The following RALGAPA2 variants were observed in gnomAD, a reference collection of about 807,000 sequenced individuals.
RALGAPA2 encodes the protein ral GTPase-activating protein subunit alpha-2.
RALGAPA2 carries 139 observed loss-of-function variants against 230.4 expected under a neutral mutation model. That is an observed-to-expected ratio of 0.60 (90% CI 0.53 to 0.69). RALGAPA2 has a LOEUF of 0.69. Among genes scored for constraint, RALGAPA2 ranks in the 30% least tolerant of loss-of-function variants. RALGAPA2 has a pLI of 0.00. For missense variants in RALGAPA2, 2,163 were observed against 2,276.0 expected (o/e 0.95, Z 1.01); for synonymous variants, 847 against 837.8 (o/e 1.01, Z -0.19).
chr20:20,455,100 A>G (rs996416797), intron 37 of RALGAPA2, among the ~76,000 whole-genome samples: 14 of 152,230 alleles, frequency 9.2e-5, no homozygotes, highest in African/African-American at 3.1e-4. Flanking sequence ...AAAAGTACAC[A>G]TTACAAACAG....
At chr20:20,434,213 C>G (rs887428767) in intron 37 of RALGAPA2, among the ~76,000 whole-genome samples, 1 of 152,136 alleles carries the variant, frequency 6.6e-6, no homozygotes, top group Non-Finnish European at 1.5e-5. Flanking sequence ...CTCTCCCAAA[C>G]AAAAGTTGCT....
At chr20:20,692,320 A>G (rs2068943337) in intron 1 of RALGAPA2, among the ~76,000 whole-genome samples, 1 of 152,248 alleles carries the variant, frequency 6.6e-6, no homozygotes, top group Non-Finnish European at 1.5e-5. Context: ...TCAAAAATTT[A>G]TCATAACTGA....
chr20:20,540,249 G>C (rs538206400), intron 24 of RALGAPA2, among the ~76,000 whole-genome samples: 10 of 152,182 alleles, frequency 6.6e-5, no homozygotes, highest in Non-Finnish European at 1.2e-4. Context: ...CGGGGATGAA[G>C]ATGTGTAGGA....
At chr20:20,463,667 T>C (rs549273856) in intron 37 of RALGAPA2, among the ~76,000 whole-genome samples, 3 of 152,324 alleles carry the variant, frequency 2.0e-5, no homozygotes, top group African/African-American at 7.2e-5. Flanking sequence ...TGCCTACTGC[T>C]GAAAAGTGTG....
chr20:20,559,806 G>A (rs888997879), intron 23 of RALGAPA2, among the ~76,000 whole-genome samples: 10 of 151,988 alleles, frequency 6.6e-5, no homozygotes, highest in East Asian at 3.9e-4. Flanking sequence ...TTTACCTTTC[G>A]AACAACAATT....
chr20:20,695,259 T>A (rs1252499117), intron 1 of RALGAPA2, among the ~76,000 whole-genome samples: 1 of 152,232 alleles, frequency 6.6e-6, no homozygotes, highest in Non-Finnish European at 1.5e-5. Context: ...CATAATGCCT[T>A]AGAATGACCT....
At chr20:20,661,692 T>A (rs1197564170) in intron 3 of RALGAPA2, among the ~76,000 whole-genome samples, 5 of 151,906 alleles carry the variant, frequency 3.3e-5, no homozygotes, top group African/African-American at 1.2e-4. Context: ...ACACAAAAAG[T>A]AGTAAGTATA....
intron 16 of RALGAPA2, among the ~76,000 whole-genome samples, chr20:20,599,931 C>T (rs908232456): frequency 3.3e-5 from 5 of 151,142 alleles, no homozygotes; most frequent in African/African-American, 1.2e-4. Flanking sequence ...CAAGATCACA[C>T]CACTGCACTT....
intron 23 of RALGAPA2, among the ~76,000 whole-genome samples, chr20:20,566,424 C>T: frequency 6.6e-6 from 1 of 152,154 alleles, no homozygotes; most frequent in Admixed American, 6.6e-5. Flanking sequence ...GTTATTTCTC[C>T]ACACGTTGTA....
rs1286962634 is a variant in RALGAPA2 at position 20,505,526 on chromosome 20, G to C, written c.4937C>G (p.Thr1646Arg). 1.3e-6 allele frequency: 2 copies of C among 1,578,410 alleles called. No homozygotes were observed. The highest frequency in any genetic ancestry group is 1.4e-5 in the African/African-American group (1 of 73,064). ...AATGTAAAACACTGCGATTTTGTGT[G>C]TCTCACGGCTATAAATTTTTAAATT... ...KNLDSRQCRE[T>R]HKIAVFYIAE... The change falls in exon 34 of 40, where the codon ACA (threonine) becomes AGA (arginine). Residue 1646 changes from threonine (T) to arginine (R), a missense_variant. By Grantham distance (71) the Thr-to-Arg change is moderately conservative. Coordinates refer to ENST00000202677, the MANE Select transcript of RALGAPA2 (RefSeq NM_020343.4).
chr20:20,462,700 T>C (rs6046873), intron 37 of RALGAPA2, among the ~76,000 whole-genome samples: 4,446 of 152,264 alleles, frequency 0.029, 147 homozygotes, highest in East Asian at 0.15. Context: ...TTTACTTGAG[T>C]GTGTTGCAAA....
chr20:20,710,093 C>T (rs1159862528), intron 1 of RALGAPA2, among the ~76,000 whole-genome samples: 7 of 152,104 alleles, frequency 4.6e-5, no homozygotes, highest in Non-Finnish European at 1.5e-5. Flanking sequence ...TAGCTCAAGT[C>T]ATGAAGCTGC....
chr20:20,672,197 C>A (rs2068159112), intron 3 of RALGAPA2, among the ~76,000 whole-genome samples: 1 of 152,020 alleles, frequency 6.6e-6, no homozygotes, highest in African/African-American at 2.4e-5. Context: ...AGACTCCCGG[C>A]AAAAGCAAAG....
rs997342895 is a variant in RALGAPA2, at chr20:20,524,088, C to T, written c.3900+318G>A. 4.6e-5 allele frequency among the ~76,000 whole-genome samples: 7 copies of T among 152,248 alleles called. No homozygotes were observed. The East Asian group carries it at 1.2e-3, about 25-fold the overall frequency. ...TCTCCTGCCTCAGCCTCCGGGGTAG[C>T]TGGGCCTACAGGCACCCGCCACCAC... On this transcript the variant is annotated intron_variant, in intron 30 of 39. Transcript: ENST00000202677.
chr20:20,402,840 C>T (rs775244956), intron 38 of RALGAPA2, among the ~76,000 whole-genome samples: 9 of 152,154 alleles, frequency 5.9e-5, no homozygotes, highest in Non-Finnish European at 1.2e-4. Context: ...TGTGTGCTGC[C>T]CATCTCACCA....
chr20:20,680,910 T>C (rs111311194), intron 1 of RALGAPA2, 109 bp from the exon 2 acceptor site: 1 of 1,466,548 alleles, frequency 6.8e-7, no homozygotes, highest in African/African-American at 1.5e-5. Flanking sequence ...CATTCCCTTA[T>C]AAGACAATAC....
intron 10 of RALGAPA2, among the ~76,000 whole-genome samples, chr20:20,625,356 C>T (rs1302292233): frequency 1.3e-5 from 2 of 152,128 alleles, no homozygotes; most frequent in Non-Finnish European, 2.9e-5. Context: ...GGTGGTGTTT[C>T]GAGGGATTTG....
intron 16 of RALGAPA2, among the ~76,000 whole-genome samples, chr20:20,596,920 TA>T (rs1318629571): frequency 2.0e-5 from 3 of 152,152 alleles, no homozygotes; most frequent in Non-Finnish European, 2.9e-5. Flanking sequence ...TTGTGACAAT[TA>T]AAAATGTCTC....
chr20:20,646,494 T>C (rs2067220671), intron 4 of RALGAPA2, among the ~76,000 whole-genome samples: 1 of 152,230 alleles, frequency 6.6e-6, no homozygotes, highest in African/African-American at 2.4e-5. Flanking sequence ...ACCTCTTCTG[T>C]GCCTTGACCA....
Sources: allele counts gnomAD v4.1 joint callset (sites outside exome capture counted in the v4.1 genomes callset), GRCh38; gene constraint gnomAD v4.1.1; transcripts MANE v1.5; gene names NCBI Gene and HGNC (gene_info 2026-07-23, HGNC 2026-07-21).